The following RRAGD variants were observed in gnomAD, a reference collection of about 807,000 sequenced individuals.
RRAGD encodes Ras related GTP binding D, also known as ras-related GTP-binding protein D.
Under a neutral mutation model 35.5 loss-of-function variants are expected in RRAGD, and 12 were observed. The observed-to-expected ratio is 0.34, with a 90% confidence interval of 0.22 to 0.55. The LOEUF (loss-of-function observed/expected upper bound fraction) is 0.55, where lower values mean the gene tolerates loss of function less well. RRAGD is among the 20% of genes least tolerant of loss of function. The probability of loss-of-function intolerance (pLI) is 0.91; values close to 1 mark genes in which losing one functional copy is unlikely to be tolerated. For synonymous variants in RRAGD, 155 were observed against 178.9 expected, an observed-to-expected ratio of 0.87 and a Z score of 1.07; for missense variants, 324 against 490.1, an observed-to-expected ratio of 0.66 and a Z score of 3.20.
At chr6:89,393,129 C>G (rs1254512315) in intron 1 of RRAGD, among the ~76,000 whole-genome samples, 2 of 152,176 alleles carry the variant, frequency 1.3e-5, no homozygotes, top group Non-Finnish European at 2.9e-5. Flanking sequence ...CCCATGCTAA[C>G]TCCCTAAAAA....
At chr6:89,378,936 A>AT (rs11395340) in intron 4 of RRAGD, among the ~76,000 whole-genome samples, 5,476 of 152,010 alleles carry the variant, frequency 0.036, 340 homozygotes, top group African/African-American at 0.12. Flanking sequence ...TAGTTTTTAC[A>AT]TTTTTTTTGT....
In RRAGD at chr6:89,411,786, G is replaced by A. The variant is rs1192605165; in HGVS notation, c.148+60C>T. The stretch of plus-strand genomic sequence containing the variant: ...GCTCGCGCACGGCCGGGCTGGGGGC[G>A]GGAAGGCGCCAAGGGGAGGAAAGGG... On this transcript the variant is annotated intron_variant, in intron 1 of 6. Transcript: ENST00000369415. This position sits in a 1 kb window ranked among gnomAD's most constrained non-coding sequence, Gnocchi z 5.6. The A allele has an allele frequency of 1.0e-5, 15 of 1,498,450 alleles. No individual in the cohort carries two copies. The highest frequency in any genetic ancestry group is 2.0e-5 in the Admixed American group (1 of 49,432). 92.8% of individuals were successfully genotyped at this position (1,498,450 alleles called of 1,614,324 possible).
intron 1 of RRAGD, among the ~76,000 whole-genome samples, chr6:89,392,138 T>C (rs146096293): frequency 6.6e-6 from 1 of 151,948 alleles, no homozygotes; most frequent in African/African-American, 2.4e-5. Context: ...AAACCCAGTA[T>C]GAAACTCAAA....
intron 1 of RRAGD, among the ~76,000 whole-genome samples, chr6:89,404,217 C>T (rs186770547): frequency 8.5e-5 from 13 of 152,222 alleles, no homozygotes; most frequent in Admixed American, 3.3e-4. Context: ...TACAAACACA[C>T]GATTTTGCAG....
chr6:89,372,683 A>C, intron 5 of RRAGD, 98 bp from the exon 6 acceptor site: 1 of 1,281,694 alleles, frequency 7.8e-7, no homozygotes, highest in African/African-American at 1.5e-5. Context: ...AAAAAGTGAT[A>C]ATCATAAGTT....
In RRAGD at chr6:89,400,698, G is replaced by A. The variant is rs139602326; in HGVS notation, c.148+11148C>T. ...CAGTGAGCTTATGCCAGGAAGGGAGGCACTTCAGCCTCTCAGCCTCCTGCA... is the reference window on the plus strand; with the variant it reads ...CAGTGAGCTTATGCCAGGAAGGGAGACACTTCAGCCTCTCAGCCTCCTGCA... On this transcript the variant is annotated intron_variant, in intron 1 of 6. Coordinates refer to ENST00000369415, the MANE Select transcript of RRAGD (RefSeq NM_021244.5). 7.9e-5 allele frequency among the ~76,000 whole-genome samples: 12 copies of A among 152,180 alleles called. No individual in the cohort carries two copies. In the East Asian group the frequency reaches 2.3e-3, roughly 29 times the overall value.
intron 1 of RRAGD, among the ~76,000 whole-genome samples, chr6:89,390,560 G>T (rs1769214699): frequency 6.6e-6 from 1 of 152,200 alleles, no homozygotes; most frequent in Non-Finnish European, 1.5e-5. Context: ...ATATGCCACT[G>T]GTGGGAATAC....
At chr6:89,372,208 G>A (rs180966419) in intron 6 of RRAGD, among the ~76,000 whole-genome samples, 2 of 152,246 alleles carry the variant, frequency 1.3e-5, no homozygotes, top group South Asian at 2.1e-4. Flanking sequence ...CTTCCACCTC[G>A]CTGCAATCGC....
intron 5 of RRAGD, among the ~76,000 whole-genome samples, chr6:89,373,612 C>T (rs1333308368): frequency 5.0e-5 from 7 of 139,018 alleles, no homozygotes; most frequent in Middle Eastern, 3.8e-3. Context: ...AGCAGGACTC[C>T]GTCTCAAAAA....
intron 1 of RRAGD, among the ~76,000 whole-genome samples, chr6:89,394,498 T>G (rs1169551950): frequency 1.3e-5 from 2 of 152,080 alleles, no homozygotes; most frequent in African/African-American, 4.8e-5. Flanking sequence ...AATCTGAGAG[T>G]GAAATAAAGA....
intron 2 of RRAGD, among the ~76,000 whole-genome samples, chr6:89,381,632 G>A (rs570237851): frequency 6.6e-5 from 10 of 152,320 alleles, no homozygotes; most frequent in African/African-American, 1.7e-4. Flanking sequence ...ATATTAAGTT[G>A]TGTGTATATT....
chr6:89,373,921 T>C (rs1260115162), intron 5 of RRAGD, among the ~76,000 whole-genome samples: 10 of 152,220 alleles, frequency 6.6e-5, no homozygotes, highest in Admixed American at 6.5e-4. Flanking sequence ...AAGATACCTG[T>C]GTAATAAAAG....
At chr6:89,408,149 T>C (rs1769621270) in intron 1 of RRAGD, among the ~76,000 whole-genome samples, 1 of 152,184 alleles carries the variant, frequency 6.6e-6, no homozygotes, top group Non-Finnish European at 1.5e-5. Flanking sequence ...AAGCCAGCTC[T>C]TTTTGGATAA....
chr6:89,384,777 G>A (rs1255027075), intron 2 of RRAGD, among the ~76,000 whole-genome samples: 1 of 149,340 alleles, frequency 6.7e-6, no homozygotes, highest in Admixed American at 6.7e-5. Context: ...TGGCGCCACT[G>A]GACTCCAGCT....
chr6:89,379,657 C>A (rs1042465165), intron 3 of RRAGD, among the ~76,000 whole-genome samples: 1 of 152,254 alleles, frequency 6.6e-6, no homozygotes, highest in Non-Finnish European at 1.5e-5. Context: ...CATCTTTACA[C>A]AAGCCTCTTA....
chr6:89,408,940 T>C (rs1661354698), intron 1 of RRAGD, among the ~76,000 whole-genome samples: 1 of 152,104 alleles, frequency 6.6e-6, no homozygotes, highest in African/African-American at 2.4e-5. Context: ...GGATTGAAGG[T>C]GAGACTCACC....
Position 89,412,152 on chromosome 6 carries a change from GC to G in RRAGD, c.-160del. Reference sequence around the variant, plus strand: ...GGCCGCGCGTCCCCCGGCGGGCGGCGCCCAGGTCCGGGTCCCGCGGTTCCCA... The same window carrying G: ...GGCCGCGCGTCCCCCGGCGGGCGGCGCCAGGTCCGGGTCCCGCGGTTCCCA... On this transcript the variant is annotated 5_prime_UTR_variant, in exon 1 of 7. Transcript: ENST00000369415. The surrounding 1 kb of genome is among the most constrained non-coding windows in gnomAD (Gnocchi z 4.2). 1.6e-6 allele frequency: 1 copy of G among 618,754 alleles called. No homozygotes were observed. The highest frequency in any genetic ancestry group is 2.3e-6 in the Non-Finnish European group (1 of 429,664). 38.3% of individuals were successfully genotyped at this position (618,754 alleles called of 1,614,324 possible).
intron 2 of RRAGD, among the ~76,000 whole-genome samples, chr6:89,381,599 A>G (rs1172120821): frequency 6.6e-6 from 1 of 152,216 alleles, no homozygotes; most frequent in Non-Finnish European, 1.5e-5. Context: ...TAATTCATTT[A>G]CATTGTTTAA....
intron 6 of RRAGD, among the ~76,000 whole-genome samples, chr6:89,371,404 A>C (rs868784202): frequency 6.6e-6 from 1 of 152,110 alleles, no homozygotes. Context: ...TGGGAGGATC[A>C]CTTGGGCCCG....
Sources: gnomAD v4.1 joint callset for allele counts (sites outside exome capture counted in the v4.1 genomes callset) on GRCh38, gnomAD v4.1.1 for gene constraint, Gnocchi (gnomAD v3.1) non-coding constraint, MANE v1.5 for transcripts, NCBI Gene and HGNC (gene_info 2026-07-23, HGNC 2026-07-21) for gene names.